Variants in JARID2 observed in about 807,000 individuals in gnomAD.
The protein encoded by JARID2 is jumonji and AT-rich interaction domain containing 2.
In JARID2, 21 loss-of-function variants were observed where a neutral mutation model predicts 125.6. The observed-to-expected ratio is 0.17, with a 90% CI of 0.12 to 0.24. JARID2 has a LOEUF of 0.24. Ranked by LOEUF, JARID2 falls within the 10% of genes least tolerant of loss-of-function variation. The probability of loss-of-function intolerance (pLI) is 1.00; values close to 1 mark genes in which losing one functional copy is unlikely to be tolerated. For synonymous variants in JARID2, 736 were observed against 661.6 expected, an observed-to-expected ratio of 1.11 and a Z score of -1.73; for missense variants, 1,303 against 1,639.6, an observed-to-expected ratio of 0.79 and a Z score of 3.55.
chr6:15,500,618 G>A (rs1021916735), intron 7 of JARID2, among the ~76,000 whole-genome samples: 8 of 152,100 alleles, frequency 5.3e-5, no homozygotes, highest in Non-Finnish European at 2.9e-5. Context: ...TGGCCAGCTC[G>A]CATCCTTTTC....
At chr6:15,420,959 G>A (rs941552587) in intron 3 of JARID2, among the ~76,000 whole-genome samples, 16 of 152,190 alleles carry the variant, frequency 1.1e-4, no homozygotes, top group African/African-American at 3.6e-4. Flanking sequence ...CTCTTGGGTA[G>A]CTTCCTAACA....
At chr6:15,370,726 G>A (rs559234207) in intron 1 of JARID2, among the ~76,000 whole-genome samples, 1 of 152,134 alleles carries the variant, frequency 6.6e-6, no homozygotes, top group Non-Finnish European at 1.5e-5. Context: ...GCATTAAACT[G>A]GAAGGATATT....
At chr6:15,467,467 A>G (rs1768795490) in intron 4 of JARID2, among the ~76,000 whole-genome samples, 1 of 151,696 alleles carries the variant, frequency 6.6e-6, no homozygotes, top group East Asian at 1.9e-4. Flanking sequence ...AACAACGTAC[A>G]AATGACTTGA....
intron 4 of JARID2, among the ~76,000 whole-genome samples, chr6:15,462,012 G>C (rs985400105): frequency 6.6e-6 from 1 of 152,100 alleles, no homozygotes; most frequent in Non-Finnish European, 1.5e-5. Context: ...ATTGAGGGCT[G>C]CTTCCCTATC....
At chr6:15,325,326 C>T (rs560327710) in intron 1 of JARID2, among the ~76,000 whole-genome samples, 2 of 152,128 alleles carry the variant, frequency 1.3e-5, no homozygotes, top group African/African-American at 2.4e-5. Flanking sequence ...CCTCACTCTC[C>T]GTGTTATATT....
intron 5 of JARID2, among the ~76,000 whole-genome samples, chr6:15,471,139 A>C (rs760660): frequency 0.67 from 102,448 of 152,058 alleles, 34,877 homozygotes; most frequent in East Asian, 0.81. Context: ...GCGGGGGTGA[A>C]GGTAATTGAA....
rs530319221 is a variant in JARID2, at chr6:15,410,048, T to C, written c.182-176T>C. ...TTAGGCATTTCACTCTCTTTAAAGGTCTCATAGAATGAGGTTTTGCTTTTC... is the reference window on the plus strand; with the variant it reads ...TTAGGCATTTCACTCTCTTTAAAGGCCTCATAGAATGAGGTTTTGCTTTTC... On this transcript the variant is annotated intron_variant, in intron 2 of 17. Coordinates refer to ENST00000341776, the MANE Select transcript of JARID2 (RefSeq NM_004973.4). 2.0e-5 allele frequency among the ~76,000 whole-genome samples: 3 copies of C among 152,354 alleles called. No individual in the cohort carries two copies. The East Asian group carries it at 5.8e-4, about 29-fold the overall frequency.
intron 4 of JARID2, among the ~76,000 whole-genome samples, chr6:15,462,774 C>G (rs1391522297): frequency 6.6e-6 from 1 of 152,142 alleles, no homozygotes; most frequent in African/African-American, 2.4e-5. Context: ...AGATCAAGAA[C>G]TGATCGAGGG....
chr6:15,332,930 CTTTTCTTTTTTT>C lies in JARID2; in HGVS notation c.46-41182_46-41171del, dbSNP rs1186037170. On this transcript the variant is annotated intron_variant, in intron 1 of 17. Coordinates refer to ENST00000341776, the MANE Select transcript of JARID2 (RefSeq NM_004973.4). ...TAAAATTTACCCTTTCTTTTCTTTT[CTTTTCTTTTTTT>C]TTTTTTTTTTTTTTTTGGAGACGGA... 3.2e-3 allele frequency among the ~76,000 whole-genome samples: 263 copies of C among 82,828 alleles called. 1 individual carries two copies. The highest frequency in any genetic ancestry group is 4.9e-3 in the Non-Finnish European group (212 of 43,366). The allele number at this position is 82,828 out of a possible 152,430, so 54.3% of individuals were successfully genotyped here.
intron 1 of JARID2, among the ~76,000 whole-genome samples, chr6:15,356,411 TG>T (rs1347697185): frequency 1.3e-5 from 2 of 152,214 alleles, no homozygotes; most frequent in Non-Finnish European, 2.9e-5. Context: ...CACCAACGTC[TG>T]CTGTTTTTCT....
At chr6:15,355,758 C>G (rs1057492241) in intron 1 of JARID2, among the ~76,000 whole-genome samples, 4 of 152,092 alleles carry the variant, frequency 2.6e-5, no homozygotes, top group Admixed American at 1.3e-4. Context: ...ACCACAGGTG[C>G]GTGCCACCAC....
At chr6:15,310,007 C>A (rs888726116) in intron 1 of JARID2, among the ~76,000 whole-genome samples, 1 of 152,098 alleles carries the variant, frequency 6.6e-6, no homozygotes, top group Admixed American at 6.6e-5. Context: ...GTCAAGGAAG[C>A]AGCAGGAAAA....
intron 6 of JARID2, among the ~76,000 whole-genome samples, chr6:15,492,798 G>C (rs978937417): frequency 6.6e-6 from 1 of 152,174 alleles, no homozygotes; most frequent in Admixed American, 6.5e-5. Context: ...CTTCGTAATT[G>C]TTTGAACTTC....
chr6:15,379,639 T>A (rs887645965), intron 2 of JARID2, among the ~76,000 whole-genome samples: 1 of 152,230 alleles, frequency 6.6e-6, no homozygotes, highest in African/African-American at 2.4e-5. Flanking sequence ...TCCTTAAACT[T>A]ACCCCGGGCA....
chr6:15,392,699 T>TTTTTA (rs1765068717), intron 2 of JARID2, among the ~76,000 whole-genome samples: 1 of 145,342 alleles, frequency 6.9e-6, no homozygotes, highest in Non-Finnish European at 1.5e-5. Flanking sequence ...TTTTTTTTTT[T>TTTTTA]GAGTCAGGGT....
At position 15,517,181 on chromosome 6, in the gene JARID2, C is replaced by T. The variant is rs139694449; in HGVS notation, c.3471C>T (p.Asn1157=). 1.7e-5 allele frequency: 28 copies of T among 1,613,796 alleles called. No homozygotes were observed. Among genetic ancestry groups the T allele is most frequent in the South Asian group, 1.1e-4 (10 of 91,086 alleles). Residue 1157 remains asparagine, a synonymous_variant, in exon 17 of 18, where the codon AAC becomes AAT. Coordinates refer to ENST00000341776, the MANE Select transcript of JARID2 (RefSeq NM_004973.4). ...YLSMVVQENE[N]VVFCLECALR... ...TGCAGGTGGTACAAGAGAACGAAAA[C>T]GTCGTGTTCTGTCTGGAGTGTGCTC...
intron 5 of JARID2, among the ~76,000 whole-genome samples, chr6:15,481,931 C>G (rs73724416): frequency 1.3e-4 from 20 of 152,200 alleles, no homozygotes; most frequent in African/African-American, 4.3e-4. Flanking sequence ...CTCTCGTCTC[C>G]GTTTCCCCTT....
At chr6:15,324,058 T>C (rs1762450459) in intron 1 of JARID2, among the ~76,000 whole-genome samples, 1 of 151,744 alleles carries the variant, frequency 6.6e-6, no homozygotes, top group Non-Finnish European at 1.5e-5. Flanking sequence ...GGCGGGCGCC[T>C]GTAGTCCCAG....
chr6:15,277,749 C>T (rs375048934), intron 1 of JARID2, among the ~76,000 whole-genome samples: 14 of 145,378 alleles, frequency 9.6e-5, no homozygotes, highest in Middle Eastern at 3.7e-3. Context: ...TTCTATTTGT[C>T]GTAACTTACT....
Sources: gnomAD v4.1 joint callset for allele counts (sites outside exome capture counted in the v4.1 genomes callset) on GRCh38, gnomAD v4.1.1 for gene constraint, MANE v1.5 for transcripts, NCBI Gene and HGNC (gene_info 2026-07-23, HGNC 2026-07-21) for gene names.